NCALD: variants seen among roughly 807,000 people sequenced by gnomAD.
NCALD encodes the protein neurocalcin delta.
In NCALD, 10 loss-of-function variants were observed where a neutral mutation model predicts 18.6. The observed-to-expected ratio is 0.54, with a 90% CI of 0.33 to 0.91. The LOEUF is 0.91. Among genes scored for constraint, NCALD ranks in the 40% least tolerant of loss-of-function variants. The pLI is 0.03. For synonymous variants in NCALD, 88 were observed against 87.4 expected (o/e 1.01, Z -0.04); for missense variants, 184 against 247.6 (o/e 0.74, Z 1.72).
At chr8:101,943,940 C>CA (rs1229460149) in intron 2 of NCALD, among the ~76,000 whole-genome samples, 4 of 148,102 alleles carry the variant, frequency 2.7e-5, no homozygotes, top group Admixed American at 2.0e-4. Context: ...GTCTGTGTCT[C>CA]AAAAAAACAA....
chr8:101,832,531 GCTGA>G (rs1420360288), intron 4 of NCALD, among the ~76,000 whole-genome samples: 17 of 152,122 alleles, frequency 1.1e-4, no homozygotes, highest in African/African-American at 3.6e-4. Context: ...TCTATGCATG[GCTGA>G]CTAATTCTGT....
At chr8:101,897,467 GTAAC>G (rs1817240468) in intron 3 of NCALD, among the ~76,000 whole-genome samples, 1 of 151,068 alleles carries the variant, frequency 6.6e-6, no homozygotes, top group African/African-American at 2.4e-5. Flanking sequence ...GTATACATAT[GTAAC>G]TAACCTGCAC....
intron 3 of NCALD, among the ~76,000 whole-genome samples, chr8:101,896,120 C>G (rs1310421839): frequency 6.6e-6 from 1 of 151,452 alleles, no homozygotes; most frequent in Non-Finnish European, 1.5e-5. Context: ...AACTATACTA[C>G]AAGGCTACAG....
intron 2 of NCALD, among the ~76,000 whole-genome samples, chr8:101,972,008 T>C (rs143191891): frequency 2.0e-5 from 3 of 152,160 alleles, no homozygotes; most frequent in Non-Finnish European, 4.4e-5. Context: ...TGGAAGAGAA[T>C]TGGACCTGAA....
intron 1 of NCALD, among the ~76,000 whole-genome samples, chr8:101,769,081 A>C (rs1031951133): frequency 3.3e-5 from 5 of 152,202 alleles, no homozygotes; most frequent in Non-Finnish European, 5.9e-5. Flanking sequence ...GAAGGCAGTC[A>C]ATGTCAAGAA....
chr8:101,698,500 C>T (rs1815107262), intron 2 of NCALD, among the ~76,000 whole-genome samples: 1 of 152,170 alleles, frequency 6.6e-6, no homozygotes, highest in Admixed American at 6.5e-5. Flanking sequence ...AAGAACAAAG[C>T]TGGAAGCATT....
intron 1 of NCALD, among the ~76,000 whole-genome samples, chr8:102,053,148 ACT>A (rs1415598515): frequency 1.3e-5 from 2 of 151,658 alleles, no homozygotes; most frequent in Non-Finnish European, 2.9e-5. Flanking sequence ...ATGCCCAGAA[ACT>A]CTTTGTCTGT....
At chr8:101,984,095 C>T (rs1388053341) in intron 2 of NCALD, among the ~76,000 whole-genome samples, 2 of 152,220 alleles carry the variant, frequency 1.3e-5, no homozygotes, top group East Asian at 3.8e-4. Context: ...CCTGAGGTTT[C>T]CACAAACCAT....
At chr8:102,109,300 GTT>G (rs562357762) in intron 1 of NCALD, among the ~76,000 whole-genome samples, 3 of 147,020 alleles carry the variant, frequency 2.0e-5, no homozygotes, top group South Asian at 4.3e-4. Context: ...GAAATGAAAG[GTT>G]TTTTTTTTTT....
At chr8:101,876,271 A>G (rs1816223282) in intron 4 of NCALD, among the ~76,000 whole-genome samples, 1 of 152,234 alleles carries the variant, frequency 6.6e-6, no homozygotes, top group Admixed American at 6.5e-5. Context: ...GGTGAAGCAT[A>G]AATGACAAGG....
At chr8:101,854,210 G>A (rs972087516) in intron 4 of NCALD, among the ~76,000 whole-genome samples, 1 of 152,140 alleles carries the variant, frequency 6.6e-6, no homozygotes, top group Non-Finnish European at 1.5e-5. Context: ...GTGCTGCCTG[G>A]GGTAGCTCTT....
At chr8:101,770,398 AT>A (rs972968948) in intron 1 of NCALD, among the ~76,000 whole-genome samples, 7 of 152,020 alleles carry the variant, frequency 4.6e-5, no homozygotes, top group Non-Finnish European at 1.0e-4. Flanking sequence ...ATTATTGTAA[AT>A]TTTTTTTCTG....
intron 2 of NCALD, among the ~76,000 whole-genome samples, chr8:101,969,290 T>TCCTG (rs1375197387): frequency 6.6e-6 from 1 of 152,192 alleles, no homozygotes; most frequent in Non-Finnish European, 1.5e-5. Flanking sequence ...GGGAGAAATC[T>TCCTG]CCTGCCTGTA....
intron 1 of NCALD, among the ~76,000 whole-genome samples, chr8:102,095,086 C>T (rs1825046479): frequency 6.6e-6 from 1 of 152,244 alleles, no homozygotes; most frequent in Admixed American, 6.5e-5. Context: ...GCTTGGACTT[C>T]AGCCTGCCTT....
chr8:101,883,926 T>C (rs1283150875), intron 4 of NCALD, among the ~76,000 whole-genome samples: 1 of 152,216 alleles, frequency 6.6e-6, no homozygotes, highest in African/African-American at 2.4e-5. Context: ...CATTATACAA[T>C]TGCAAACTCC....
chr8:101,927,662 G>C (rs1255014549), intron 2 of NCALD, among the ~76,000 whole-genome samples: 1 of 152,170 alleles, frequency 6.6e-6, no homozygotes, highest in Non-Finnish European at 1.5e-5. Flanking sequence ...GCAAGAAGTG[G>C]AAAAATTAGG....
intron 1 of NCALD, among the ~76,000 whole-genome samples, chr8:102,037,729 G>A (rs889488114): frequency 6.6e-6 from 1 of 151,938 alleles, no homozygotes; most frequent in Non-Finnish European, 1.5e-5. Context: ...TTCCTGATAG[G>A]CCACTGCCTT....
intron 4 of NCALD, among the ~76,000 whole-genome samples, chr8:101,859,466 T>G (rs1445473312): frequency 1.3e-5 from 2 of 152,198 alleles, no homozygotes; most frequent in South Asian, 4.1e-4. Context: ...CTTTTAGTTC[T>G]GTCCCTCTAG....
At chr8:102,076,191 T>C (rs111643327) in intron 1 of NCALD, among the ~76,000 whole-genome samples, 117 of 152,030 alleles carry the variant, frequency 7.7e-4, no homozygotes, top group Admixed American at 1.8e-3. Context: ...ATGAAACGTG[T>C]TTATTAAGAA....
Sources: gnomAD v4.1 joint callset for allele counts (sites outside exome capture counted in the v4.1 genomes callset) on GRCh38, gnomAD v4.1.1 for gene constraint, MANE v1.5 for transcripts, NCBI Gene and HGNC (gene_info 2026-07-23, HGNC 2026-07-21) for gene names.